Variants in NRXN1 observed in about 807,000 individuals in gnomAD.
The protein encoded by NRXN1 is neurexin-1.
Under a neutral mutation model 150.9 loss-of-function variants are expected in NRXN1, and 39 were observed. The observed-to-expected ratio is 0.26, with a 90% CI of 0.20 to 0.34. The LOEUF (loss-of-function observed/expected upper bound fraction) is 0.34. Ranked by LOEUF, NRXN1 falls within the 10% of genes least tolerant of loss-of-function variation. The probability of loss-of-function intolerance (pLI) is 1.00; values close to 1 mark genes in which losing one functional copy is unlikely to be tolerated. For synonymous variants in NRXN1, 924 were observed against 757.0 expected (o/e 1.22, Z -3.62); for missense variants, 1,815 against 1,949.9 (o/e 0.93, Z 1.30).
At chr2:50,967,343 CTCT>C (rs1694267967) in intron 2 of NRXN1, among the ~76,000 whole-genome samples, 1 of 151,864 alleles carries the variant, frequency 6.6e-6, no homozygotes, top group Admixed American at 6.6e-5. Flanking sequence ...TATTTGTTTC[CTCT>C]AACATTTTTC....
intron 18 of NRXN1, among the ~76,000 whole-genome samples, chr2:50,096,086 A>T (rs984164426): frequency 6.6e-6 from 1 of 151,926 alleles, no homozygotes; most frequent in Admixed American, 6.6e-5. Context: ...CATCTCATGG[A>T]TTTAAACTCT....
intron 5 of NRXN1, among the ~76,000 whole-genome samples, chr2:50,715,920 T>A (rs1392613644): frequency 6.6e-6 from 1 of 152,148 alleles, no homozygotes; most frequent in South Asian, 2.1e-4. Flanking sequence ...ATATACACAT[T>A]CTTTTTCACA....
chr2:50,950,062 A>G (rs1487781804), intron 2 of NRXN1, among the ~76,000 whole-genome samples: 1 of 152,190 alleles, frequency 6.6e-6, no homozygotes, highest in East Asian at 1.9e-4. Context: ...CAGAATAACA[A>G]CACTGGAACT....
intron 17 of NRXN1, among the ~76,000 whole-genome samples, chr2:50,373,562 T>G (rs2080194748): frequency 1.4e-5 from 2 of 147,014 alleles, no homozygotes; most frequent in African/African-American, 5.0e-5. Flanking sequence ...AATTCAATTT[T>G]TATAGAGAGC....
intron 5 of NRXN1, among the ~76,000 whole-genome samples, chr2:50,659,551 G>T (rs955828594): frequency 6.6e-6 from 1 of 151,454 alleles, no homozygotes; most frequent in Non-Finnish European, 1.5e-5. Context: ...AAATTATTGA[G>T]AATTTCATAT....
At chr2:50,604,755 C>G (rs2194383) in intron 8 of NRXN1, among the ~76,000 whole-genome samples, 1 of 152,172 alleles carries the variant, frequency 6.6e-6, no homozygotes, top group African/African-American at 2.4e-5. Context: ...ATAAATCTCT[C>G]TTATAGAACC....
At chr2:50,020,032 A>T (rs1373191756) in intron 21 of NRXN1, among the ~76,000 whole-genome samples, 5 of 142,694 alleles carry the variant, frequency 3.5e-5, no homozygotes, top group African/African-American at 1.4e-4. Context: ...GTGGTTTCAG[A>T]GGAGCATGTA....
chr2:50,279,348 T>C (rs1032090942), intron 17 of NRXN1, among the ~76,000 whole-genome samples: 1 of 152,228 alleles, frequency 6.6e-6, no homozygotes, highest in South Asian at 2.1e-4. Flanking sequence ...TGCATCACTA[T>C]AATGTGTATC....
intron 17 of NRXN1, among the ~76,000 whole-genome samples, chr2:50,253,389 TGAATAC>T (rs2067358190): frequency 6.6e-6 from 1 of 152,168 alleles, no homozygotes; most frequent in Admixed American, 6.6e-5. Flanking sequence ...TCTTCCTATT[TGAATAC>T]CCCTTATTTC....
chr2:50,719,442 C>T (rs574850096), intron 5 of NRXN1, among the ~76,000 whole-genome samples: 3 of 151,956 alleles, frequency 2.0e-5, no homozygotes, highest in Admixed American at 6.6e-5. Flanking sequence ...TTTGGGAGGC[C>T]GAGGCAAGTG....
intron 19 of NRXN1, among the ~76,000 whole-genome samples, chr2:50,065,968 A>G (rs971403193): frequency 6.6e-5 from 10 of 152,134 alleles, no homozygotes; most frequent in Non-Finnish European, 1.3e-4. Flanking sequence ...CTTCTTGCCT[A>G]TTTCTTATCT....
At chr2:50,760,739 G>T (rs1274414516) in intron 5 of NRXN1, among the ~76,000 whole-genome samples, 1 of 151,886 alleles carries the variant, frequency 6.6e-6, no homozygotes, top group Non-Finnish European at 1.5e-5. Context: ...ATTTTCAATT[G>T]TGTGTATGTG....
intron 17 of NRXN1, among the ~76,000 whole-genome samples, chr2:50,440,906 C>A (rs2085894631): frequency 1.3e-5 from 2 of 152,128 alleles, no homozygotes; most frequent in African/African-American, 4.8e-5. Flanking sequence ...TCCATTGTGA[C>A]ACAGGTGAAA....
At chr2:50,318,281 G>A (rs935124527) in intron 17 of NRXN1, among the ~76,000 whole-genome samples, 1 of 151,954 alleles carries the variant, frequency 6.6e-6, no homozygotes, top group African/African-American at 2.4e-5. Context: ...TACAATCACC[G>A]CACTGGCAAA....
Position 50,152,383 on chromosome 2 carries a change from CT to C in NRXN1, c.3547-60890del, listed in dbSNP as rs577750119. On this transcript the variant is annotated intron_variant, in intron 18 of 22. Transcript: ENST00000401669. ...CCCTGCATATGTCAGAATTTCTTTCCTTTTAAAGGCTGAATAATGTTCCATT... is the reference window on the plus strand; with the variant it reads ...CCCTGCATATGTCAGAATTTCTTTCCTTTAAAGGCTGAATAATGTTCCATT... Among the ~76,000 whole-genome samples, 19 of 151,770 alleles carry C rather than the reference CT, an allele frequency of 1.3e-4. No homozygotes were observed. In the South Asian group the frequency reaches 3.9e-3, roughly 32 times the overall value.
intron 21 of NRXN1, among the ~76,000 whole-genome samples, chr2:49,998,655 G>C (rs1353860227): frequency 6.6e-6 from 1 of 151,926 alleles, no homozygotes; most frequent in East Asian, 1.9e-4. Context: ...AAGGATGATG[G>C]ACATAATTTA....
intron 2 of NRXN1, among the ~76,000 whole-genome samples, chr2:51,011,134 T>A (rs1484824215): frequency 6.6e-6 from 1 of 152,018 alleles, no homozygotes; most frequent in African/African-American, 2.4e-5. Context: ...TCATTTTAAT[T>A]CACGTCTTTA....
intron 8 of NRXN1, among the ~76,000 whole-genome samples, chr2:50,577,386 A>C (rs942806784): frequency 6.6e-6 from 1 of 151,928 alleles, no homozygotes; most frequent in African/African-American, 2.4e-5. Context: ...AACAAAGATT[A>C]CTGGCAAAAG....
chr2:50,019,985 A>G (rs1687315179), intron 21 of NRXN1, among the ~76,000 whole-genome samples: 2 of 144,260 alleles, frequency 1.4e-5, no homozygotes, highest in African/African-American at 2.6e-5. Context: ...AGAGAGAGAG[A>G]GACCTAGGGA....
Sources: gnomAD v4.1 joint callset for allele counts (sites outside exome capture counted in the v4.1 genomes callset) on GRCh38, gnomAD v4.1.1 for gene constraint, MANE v1.5 for transcripts, NCBI Gene and HGNC (gene_info 2026-07-23, HGNC 2026-07-21) for gene names.